Variants in NPAS3 observed in about 807,000 individuals in gnomAD.
The protein encoded by NPAS3 is neuronal PAS domain-containing protein 3.
NPAS3 carries 14 observed loss-of-function variants against 73.1 expected under a neutral mutation model. The observed-to-expected ratio is 0.19, with a 90% CI of 0.13 to 0.30. The LOEUF is 0.30. Ranked by LOEUF, NPAS3 falls within the 10% of genes least tolerant of loss-of-function variation. NPAS3 has a pLI of 1.00. For synonymous variants in NPAS3, 620 were observed against 541.5 expected (o/e 1.14, Z -2.01); for missense variants, 1,096 against 1,250.0 (o/e 0.88, Z 1.86).
At chr14:33,331,949 C>T (rs972062404) in intron 3 of NPAS3, among the ~76,000 whole-genome samples, 2 of 152,196 alleles carry the variant, frequency 1.3e-5, no homozygotes, top group East Asian at 1.9e-4. Context: ...AGACGAAATG[C>T]TCATCGTAAT....
At chr14:33,377,446 G>T (rs955251651) in intron 4 of NPAS3, among the ~76,000 whole-genome samples, 5 of 152,206 alleles carry the variant, frequency 3.3e-5, no homozygotes, top group African/African-American at 1.2e-4. Context: ...AAATTATGCT[G>T]GTGAAACGGT....
chr14:33,729,806 G>A (rs2061357912), intron 6 of NPAS3, among the ~76,000 whole-genome samples: 1 of 152,096 alleles, frequency 6.6e-6, no homozygotes, highest in African/African-American at 2.4e-5. Context: ...ACACCAACTC[G>A]AGGGGAGAAG....
intron 4 of NPAS3, among the ~76,000 whole-genome samples, chr14:33,465,877 ACG>A (rs1426052564): frequency 2.0e-5 from 3 of 152,270 alleles, no homozygotes; most frequent in Admixed American, 2.0e-4. Flanking sequence ...GTGGAATCAC[ACG>A]AGATCCAACA....
At chr14:33,301,763 G>A (rs1396680606) in intron 3 of NPAS3, among the ~76,000 whole-genome samples, 2 of 152,136 alleles carry the variant, frequency 1.3e-5, no homozygotes, top group African/African-American at 2.4e-5. Context: ...TAAGTACCAT[G>A]GTACTGGTAA....
At chr14:33,208,904 C>T (rs1275581055) in intron 2 of NPAS3, among the ~76,000 whole-genome samples, 1 of 152,162 alleles carries the variant, frequency 6.6e-6, no homozygotes, top group Non-Finnish European at 1.5e-5. Flanking sequence ...TGATGATCTA[C>T]AGCAGCAACC....
At chr14:33,672,930 G>A (rs1021377955) in intron 5 of NPAS3, among the ~76,000 whole-genome samples, 6 of 152,254 alleles carry the variant, frequency 3.9e-5, no homozygotes, top group Admixed American at 6.5e-5. Flanking sequence ...AGTCAAAGCA[G>A]TATGAGAAAT....
At chr14:33,078,705 A>G (rs533533302) in intron 2 of NPAS3, among the ~76,000 whole-genome samples, 15 of 152,324 alleles carry the variant, frequency 9.8e-5, no homozygotes, top group African/African-American at 3.6e-4. Context: ...TATTAAGTCT[A>G]TTCATATTTA....
chr14:32,977,047 A>AACACACACACACACACAC (rs10628639), intron 1 of NPAS3, among the ~76,000 whole-genome samples: 33 of 149,412 alleles, frequency 2.2e-4, no homozygotes, highest in Admixed American at 1.5e-3. Context: ...TGGTCAAGGT[A>AACACACACACACACACAC]ACACACACAC....
chr14:33,595,349 T>A (rs746810701), intron 5 of NPAS3, among the ~76,000 whole-genome samples: 3 of 152,204 alleles, frequency 2.0e-5, no homozygotes, highest in Non-Finnish European at 4.4e-5. Context: ...CTGCCAGTGT[T>A]TGAGAAAAGC....
At chr14:33,133,061 T>C (rs2043700158) in intron 2 of NPAS3, among the ~76,000 whole-genome samples, 1 of 152,212 alleles carries the variant, frequency 6.6e-6, no homozygotes, top group African/African-American at 2.4e-5. Context: ...TATTTGTTAA[T>C]AAAGTACATA....
chr14:33,579,599 T>A (rs1408573126), intron 5 of NPAS3, among the ~76,000 whole-genome samples: 1 of 152,178 alleles, frequency 6.6e-6, no homozygotes, highest in East Asian at 1.9e-4. Flanking sequence ...ACGATAGAAT[T>A]GTCCTCAAAT....
At chr14:33,200,275 C>T (rs1027837135) in intron 2 of NPAS3, among the ~76,000 whole-genome samples, 6 of 151,814 alleles carry the variant, frequency 4.0e-5, no homozygotes, top group Non-Finnish European at 8.8e-5. Flanking sequence ...TTTCCACTCT[C>T]TGGGCTACTT....
At chr14:33,283,031 C>T (rs12586795) in intron 3 of NPAS3, among the ~76,000 whole-genome samples, 40,610 of 152,070 alleles carry the variant, frequency 0.27, 6,016 homozygotes, top group Middle Eastern at 0.34. Context: ...CATCAGCTGT[C>T]CACATGTGAC....
At chr14:33,662,856 CA>C (rs1567101619) in intron 5 of NPAS3, among the ~76,000 whole-genome samples, 2 of 136,726 alleles carry the variant, frequency 1.5e-5, no homozygotes. Flanking sequence ...GGGGCTGAGA[CA>C]ATGGGGTTTT....
intron 3 of NPAS3, among the ~76,000 whole-genome samples, chr14:33,362,685 C>T (rs755905456): frequency 6.6e-5 from 10 of 152,028 alleles, no homozygotes; most frequent in Non-Finnish European, 1.2e-4. Context: ...CAGGGGTTAC[C>T]GGGCATGAAG....
chr14:33,165,531 C>G (rs573305435), intron 2 of NPAS3, among the ~76,000 whole-genome samples: 2 of 151,744 alleles, frequency 1.3e-5, no homozygotes, highest in Non-Finnish European at 2.9e-5. Context: ...TCAAAGCATG[C>G]GTAGTGTAAA....
intron 2 of NPAS3, among the ~76,000 whole-genome samples, chr14:33,125,329 AGT>A (rs1332599535): frequency 1.3e-5 from 2 of 152,154 alleles, no homozygotes; most frequent in African/African-American, 4.8e-5. Context: ...AATAGAAAAG[AGT>A]GAAATTTATC....
At chr14:33,019,003 G>A (rs1176420487) in intron 1 of NPAS3, among the ~76,000 whole-genome samples, 4 of 151,738 alleles carry the variant, frequency 2.6e-5, no homozygotes, top group Non-Finnish European at 5.9e-5. Context: ...GACTTCATAA[G>A]GTTATTCATT....
chr14:33,660,742 A>G (rs1314345689), intron 5 of NPAS3, among the ~76,000 whole-genome samples: 3 of 152,174 alleles, frequency 2.0e-5, no homozygotes, highest in Non-Finnish European at 4.4e-5. Context: ...CTTCTGCAGA[A>G]TTCTTCCCCT....
Sources: gnomAD v4.1 joint callset for allele counts (sites outside exome capture counted in the v4.1 genomes callset) on GRCh38, gnomAD v4.1.1 for gene constraint, MANE v1.5 for transcripts, NCBI Gene and HGNC (gene_info 2026-07-23, HGNC 2026-07-21) for gene names.